The following ZCCHC7 variants were observed in gnomAD, a reference collection of about 807,000 sequenced individuals.
The protein encoded by ZCCHC7 is zinc finger CCHC-type containing 7.
ZCCHC7 carries 35 observed loss-of-function variants against 52.0 expected under a neutral mutation model. The ratio of observed to expected loss-of-function variants is 0.67; its 90% CI spans 0.51 to 0.89. The LOEUF is 0.89. Ranked by LOEUF, ZCCHC7 falls within the 40% of genes least tolerant of loss-of-function variation. The pLI, the probability that ZCCHC7 is intolerant of heterozygous loss-of-function variation, is 0.00. For synonymous variants in ZCCHC7, 217 were observed against 221.5 expected, an observed-to-expected ratio of 0.98 and a Z score of 0.18; for missense variants, 574 against 649.1, an observed-to-expected ratio of 0.88 and a Z score of 1.26.
rs1821788049 is a variant in ZCCHC7 at position 37,357,596 on chromosome 9, A to G, written c.*328A>G. 5.8e-6 allele frequency: 1 copy of G among 172,818 alleles called. No homozygotes were observed. The highest frequency in any genetic ancestry group is 6.3e-5 in the Admixed American group (1 of 15,972). The allele number at this position is 172,818 out of a possible 1,614,324, so 10.7% of individuals were successfully genotyped here. ...ATACTTTGGGAAAAAAACTGCATCAAAGGTAATTTATCCTCAAATTAAATC... is the reference window on the plus strand; with the variant it reads ...ATACTTTGGGAAAAAAACTGCATCAGAGGTAATTTATCCTCAAATTAAATC... On this transcript the variant is annotated 3_prime_UTR_variant, in exon 9 of 9. Transcript: ENST00000336755.
chr9:37,258,625 G>A (rs1010370066), intron 2 of ZCCHC7, among the ~76,000 whole-genome samples: 1 of 151,796 alleles, frequency 6.6e-6, no homozygotes, highest in African/African-American at 2.4e-5. Context: ...GCACATGCCG[G>A]TAGTCCCAGC....
chr9:37,232,472 A>T (rs529434042), intron 2 of ZCCHC7, among the ~76,000 whole-genome samples: 28 of 152,314 alleles, frequency 1.8e-4, no homozygotes, highest in Non-Finnish European at 3.8e-4. Context: ...TAATTTTTTA[A>T]AGCTGTTACA....
At chr9:37,260,377 T>C (rs1826807864) in intron 2 of ZCCHC7, among the ~76,000 whole-genome samples, 1 of 152,238 alleles carries the variant, frequency 6.6e-6, no homozygotes, top group Non-Finnish European at 1.5e-5. Context: ...CCAGTCCAGC[T>C]GCTTAGTGCA....
chr9:37,349,749 AC>A (rs1203588053), intron 7 of ZCCHC7, among the ~76,000 whole-genome samples: 2 of 152,222 alleles, frequency 1.3e-5, no homozygotes, highest in Non-Finnish European at 2.9e-5. Context: ...ATGAGTTCTT[AC>A]AAACACAATT....
At chr9:37,325,028 A>G (rs1830185525) in intron 5 of ZCCHC7, among the ~76,000 whole-genome samples, 1 of 152,244 alleles carries the variant, frequency 6.6e-6, no homozygotes, top group African/African-American at 2.4e-5. Flanking sequence ...TTAGCACCTG[A>G]TAAAATTCAA....
At chr9:37,288,477 A>G (rs771035125) in intron 2 of ZCCHC7, among the ~76,000 whole-genome samples, 22 of 151,838 alleles carry the variant, frequency 1.4e-4, no homozygotes, top group Non-Finnish European at 2.5e-4. Flanking sequence ...ACTTTTAAGG[A>G]GATAGGGTAC....
chr9:37,140,519 G>T (rs1843174772), intron 2 of ZCCHC7, among the ~76,000 whole-genome samples: 1 of 151,966 alleles, frequency 6.6e-6, no homozygotes, highest in African/African-American at 2.4e-5. Flanking sequence ...CTGGATAGGT[G>T]AGTGGTAGAG....
At chr9:37,250,002 A>G (rs1826249384) in intron 2 of ZCCHC7, among the ~76,000 whole-genome samples, 1 of 150,970 alleles carries the variant, frequency 6.6e-6, no homozygotes, top group South Asian at 2.1e-4. Flanking sequence ...TTTGAAGATA[A>G]GCAGTCAGAT....
chr9:37,202,350 A>G (rs1823677608), intron 2 of ZCCHC7, among the ~76,000 whole-genome samples: 1 of 152,248 alleles, frequency 6.6e-6, no homozygotes, highest in African/African-American at 2.4e-5. Flanking sequence ...TATTGTATTT[A>G]GATATTAAAT....
chr9:37,312,354 GA>G (rs11347552), intron 5 of ZCCHC7, among the ~76,000 whole-genome samples: 1,675 of 152,228 alleles, frequency 0.011, 33 homozygotes, highest in African/African-American at 0.037. Context: ...AGTACTAGGG[GA>G]AAAAAAGATG....
intron 2 of ZCCHC7, among the ~76,000 whole-genome samples, chr9:37,278,034 G>GTGTTTTGTTT (rs370369181): frequency 0.13 from 18,091 of 142,878 alleles, 1,446 homozygotes; most frequent in Non-Finnish European, 0.16. Flanking sequence ...GTGTGTGTGT[G>GTGTTTTGTTT]TGTTTTGTTT....
chr9:37,166,735 A>G (rs545089910), intron 2 of ZCCHC7, among the ~76,000 whole-genome samples: 4 of 152,054 alleles, frequency 2.6e-5, no homozygotes, highest in Admixed American at 6.5e-5. Context: ...AAATTTTGCT[A>G]TGTTGTGTCT....
intron 2 of ZCCHC7, among the ~76,000 whole-genome samples, chr9:37,133,662 C>T (rs1842884153): frequency 6.6e-6 from 1 of 152,160 alleles, no homozygotes; most frequent in African/African-American, 2.4e-5. Context: ...TATCTTGGCT[C>T]ACTGCAACCT....
intron 3 of ZCCHC7, among the ~76,000 whole-genome samples, chr9:37,303,105 A>G (rs1829111381): frequency 6.6e-6 from 1 of 152,174 alleles, no homozygotes; most frequent in African/African-American, 2.4e-5. Flanking sequence ...ATTCAGAAAA[A>G]CATGGTGTAC....
At chr9:37,264,340 A>G (rs1402326535) in intron 2 of ZCCHC7, among the ~76,000 whole-genome samples, 1 of 152,224 alleles carries the variant, frequency 6.6e-6, no homozygotes, top group Non-Finnish European at 1.5e-5. Context: ...CCAAAACGGA[A>G]AAAGGTATTA....
chr9:37,180,930 A>G lies in ZCCHC7; in HGVS notation c.610+53988A>G, dbSNP rs186701337. ...TATGATTGTTTTATTTATAAAACAA[A>G]TATTTGGAGATTGTTTTCCAATACA... On this transcript the variant is annotated intron_variant, in intron 2 of 8. Coordinates refer to ENST00000336755, the MANE Select transcript of ZCCHC7 (RefSeq NM_032226.3). Among the ~76,000 whole-genome samples, 3 of 152,298 alleles carry G rather than the reference A, an allele frequency of 2.0e-5. No individual in the cohort carries two copies. The East Asian group carries it at 5.8e-4, about 29-fold the overall frequency.
chr9:37,332,760 T>G (rs1477702776), intron 6 of ZCCHC7, among the ~76,000 whole-genome samples: 1 of 151,532 alleles, frequency 6.6e-6, no homozygotes, highest in African/African-American at 2.4e-5. Flanking sequence ...ATAAATAAAA[T>G]TTGCTAAATC....
At position 37,260,758 on chromosome 9, in the gene ZCCHC7, G is replaced by A. The variant is rs558616859; in HGVS notation, c.611-41430G>A. ...TGTTTTAAAACATGCTACCTTCTTA[G>A]TAAGACTTGATACTCCTCTAGGAGC... is the stretch of plus-strand genomic sequence containing the variant. On this transcript the variant is annotated intron_variant, in intron 2 of 8. Coordinates refer to ENST00000336755, the MANE Select transcript of ZCCHC7 (RefSeq NM_032226.3). 1.2e-4 allele frequency among the ~76,000 whole-genome samples: 19 copies of A among 152,234 alleles called. No individual in the cohort carries two copies. The East Asian group carries it at 3.7e-3, about 29-fold the overall frequency.
intron 2 of ZCCHC7, among the ~76,000 whole-genome samples, chr9:37,259,960 T>C (rs1026806783): frequency 1.3e-5 from 2 of 152,238 alleles, no homozygotes; most frequent in Admixed American, 1.3e-4. Context: ...TGTGACAATC[T>C]TTATATTCAA....
Sources: gnomAD v4.1 joint callset for allele counts (sites outside exome capture counted in the v4.1 genomes callset) on GRCh38, gnomAD v4.1.1 for gene constraint, MANE v1.5 for transcripts, NCBI Gene and HGNC (gene_info 2026-07-23, HGNC 2026-07-21) for gene names.